SPATA6: variants seen among roughly 807,000 people sequenced by gnomAD.
SPATA6 encodes the protein spermatogenesis-associated protein 6.
SPATA6 carries 56 observed loss-of-function variants against 65.3 expected under a neutral mutation model. The ratio of observed to expected loss-of-function variants is 0.86; its 90% confidence interval spans 0.69 to 1.07. SPATA6 has a LOEUF of 1.07. Among genes scored for constraint, SPATA6 ranks in the 50% least tolerant of loss-of-function variants. The pLI, the probability that SPATA6 is intolerant of heterozygous loss-of-function variation, is 0.00. For synonymous variants in SPATA6, 199 were observed against 213.2 expected, an observed-to-expected ratio of 0.93 and a Z score of 0.58; for missense variants, 590 against 594.8, an observed-to-expected ratio of 0.99 and a Z score of 0.08.
At chr1:48,376,432 G>A (rs930086814) in intron 9 of SPATA6, among the ~76,000 whole-genome samples, 7 of 151,788 alleles carry the variant, frequency 4.6e-5, no homozygotes, top group African/African-American at 1.7e-4. Context: ...CAAACACTGA[G>A]TTGTGAAAAT....
At chr1:48,277,100 T>C in the SPATA6 span, among the ~76,000 whole-genome samples, 7 of 123,510 alleles carry the variant, frequency 5.7e-5, no homozygotes, top group African/African-American at 2.7e-4. Flanking sequence ...TGTTTTTTGC[T>C]TTTTTTTTTT....
At chr1:48,408,493 T>C (rs908306523) in intron 5 of SPATA6, among the ~76,000 whole-genome samples, 5 of 152,200 alleles carry the variant, frequency 3.3e-5, no homozygotes, top group Admixed American at 6.5e-5. Context: ...AATTAATCTA[T>C]CTAAACTCCT....
At chr1:48,263,475 A>G in the SPATA6 span, among the ~76,000 whole-genome samples, 1 of 152,112 alleles carries the variant, frequency 6.6e-6, no homozygotes, top group Non-Finnish European at 1.5e-5. Context: ...ATGACACTCT[A>G]GCTCAAGAAA....
chr1:48,428,583 A>T (rs796085308), intron 3 of SPATA6, among the ~76,000 whole-genome samples: 67 of 152,310 alleles, frequency 4.4e-4, no homozygotes, highest in African/African-American at 1.6e-3. Flanking sequence ...CTATTTATTA[A>T]GTGGAAATAT....
Position 48,469,799 on chromosome 1 carries a change from G to GT in SPATA6, c.51+2158dup, listed in dbSNP as rs1386327889. Reference sequence around the variant, plus strand: ...TTTAACTTTTACGTCTGCTAGTGGGGTTTTTTTTGTGGGGGGGGCGGTCAG... The same window carrying GT: ...TTTAACTTTTACGTCTGCTAGTGGGGTTTTTTTTTGTGGGGGGGGCGGTCAG... On this transcript the variant is annotated intron_variant, in intron 1 of 12. Transcript: ENST00000371847. Among the ~76,000 whole-genome samples the GT allele has an allele frequency of 2.5e-3, 363 of 146,398 alleles. 4 individuals are homozygous for GT. Among genetic ancestry groups the GT allele is most frequent in the African/African-American group, 8.9e-3 (341 of 38,356 alleles).
In SPATA6 at chr1:48,298,747, C is replaced by A. The variant is rs1056042; in HGVS notation, c.1433G>T (p.Cys478Phe). Residue 478 changes from cysteine to phenylalanine, a missense_variant, in exon 13 of 13, where the codon TGT (cysteine) becomes TTT (phenylalanine). Transcript: ENST00000371847. ...TTCCTGTGTATGTGAAGCAGAACTA[C>A]AGGCCTTTTTGTATAAGTTCCTGTA... ...KMYRNLYKKACSSASHTQESF is the reference protein window; with the variant it reads ...KMYRNLYKKAFSSASHTQESF 6 of 1,613,520 alleles carry A rather than the reference C, an allele frequency of 3.7e-6. No homozygotes were observed. In the Admixed American group the frequency reaches 1.0e-4, roughly 27 times the overall value.
At chr1:48,312,186 A>G (rs1645236918) in intron 11 of SPATA6, among the ~76,000 whole-genome samples, 1 of 152,222 alleles carries the variant, frequency 6.6e-6, no homozygotes, top group Admixed American at 6.5e-5. Context: ...GCAGACTTAA[A>G]TGTCCCTGTC....
intron 9 of SPATA6, among the ~76,000 whole-genome samples, chr1:48,377,289 A>G (rs557010640): frequency 6.7e-6 from 1 of 149,578 alleles, no homozygotes; most frequent in South Asian, 2.1e-4. Flanking sequence ...AAAATCTCCA[A>G]TATGTCCTAA....
chr1:48,394,407 T>C (rs1228365222), intron 8 of SPATA6, among the ~76,000 whole-genome samples: 1 of 152,112 alleles, frequency 6.6e-6, no homozygotes, highest in Non-Finnish European at 1.5e-5. Flanking sequence ...TCCATGTCCA[T>C]AAACTTCTTC....
chr1:48,372,854 G>A (rs998024003), intron 9 of SPATA6, among the ~76,000 whole-genome samples: 2 of 152,210 alleles, frequency 1.3e-5, no homozygotes, highest in Admixed American at 6.5e-5. Flanking sequence ...AGCCCAACCT[G>A]TAAATTGGCC....
chr1:48,441,981 A>G lies in SPATA6; in HGVS notation c.238+9571T>C, dbSNP rs191460197. On this transcript the variant is annotated intron_variant, in intron 3 of 12. Coordinates refer to ENST00000371847, the MANE Select transcript of SPATA6 (RefSeq NM_019073.4). ...CAGGTGTGTGGCCCTCAACCCTGCT[A>G]CTTTTCTCCCAGAGGATGGGGAACC... Among the ~76,000 whole-genome samples, 13 of 151,732 alleles carry G rather than the reference A, an allele frequency of 8.6e-5. No homozygotes were observed. The East Asian group carries it at 2.5e-3, about 29-fold the overall frequency.
At chr1:48,313,875 G>C (rs1413860026) in intron 11 of SPATA6, among the ~76,000 whole-genome samples, 1 of 152,048 alleles carries the variant, frequency 6.6e-6, no homozygotes, top group Non-Finnish European at 1.5e-5. Context: ...AACAAAAAAA[G>C]GCAGGGGTTG....
Position 48,296,732 on chromosome 1 carries a change from G to A in SPATA6, c.*1981C>T, listed in dbSNP as rs1225794289. On this transcript the variant is annotated 3_prime_UTR_variant, in exon 13 of 13. Coordinates refer to ENST00000371847, the MANE Select transcript of SPATA6 (RefSeq NM_019073.4). ...TCATCATATAATCTACAGCCAGAGA[G>A]TAACTCAGCAATTGTGTAGTCCAGC... is the stretch of plus-strand genomic sequence containing the variant. 6.6e-6 allele frequency: 1 copy of A among 152,114 alleles called. No homozygotes were observed. Among genetic ancestry groups the A allele is most frequent in the Non-Finnish European group, 1.5e-5 (1 of 68,022 alleles). 9.4% of individuals were successfully genotyped at this position (152,114 alleles called of 1,614,324 possible). A position where few individuals can be genotyped will look rare whatever the true frequency, so the allele number is the denominator to read the frequency against.
At chr1:48,318,974 G>A (rs539854033) in intron 11 of SPATA6, among the ~76,000 whole-genome samples, 5 of 152,280 alleles carry the variant, frequency 3.3e-5, no homozygotes, top group African/African-American at 7.2e-5. Flanking sequence ...TACATTTATA[G>A]TCAACTGATT....
At chr1:48,321,562 C>T (rs1438657193) in intron 11 of SPATA6, among the ~76,000 whole-genome samples, 2 of 152,192 alleles carry the variant, frequency 1.3e-5, no homozygotes, top group Non-Finnish European at 2.9e-5. Context: ...GATCCCAATA[C>T]AGTAATAGAT....
intron 3 of SPATA6, among the ~76,000 whole-genome samples, chr1:48,421,237 T>C (rs1373322125): frequency 6.6e-6 from 1 of 152,176 alleles, no homozygotes; most frequent in Admixed American, 6.5e-5. Flanking sequence ...TTTGAGGTGC[T>C]AGATATGCCA....
intron 7 of SPATA6, among the ~76,000 whole-genome samples, chr1:48,395,708 G>T (rs536287573): frequency 6.6e-5 from 10 of 151,954 alleles, no homozygotes; most frequent in African/African-American, 2.4e-4. Flanking sequence ...CTAGCCATTT[G>T]CTTCTTAGCT....
chr1:48,367,045 C>G (rs905898994), intron 9 of SPATA6, among the ~76,000 whole-genome samples: 1 of 152,146 alleles, frequency 6.6e-6, no homozygotes, highest in Non-Finnish European at 1.5e-5. Flanking sequence ...GCCTTCATTT[C>G]ATTATGTACT....
intron 3 of SPATA6, chr1:48,437,059 T>C (rs1655004892): frequency 1.4e-5 from 22 of 1,600,290 alleles, no homozygotes; most frequent in Non-Finnish European, 1.8e-5. Context: ...CAGTTTATTG[T>C]CCCATGTTTT....
Sources: gnomAD v4.1 joint callset for allele counts (sites outside exome capture counted in the v4.1 genomes callset) on GRCh38, gnomAD v4.1.1 for gene constraint, MANE v1.5 for transcripts, NCBI Gene and HGNC (gene_info 2026-07-23, HGNC 2026-07-21) for gene names.